The following KIF17 variants were observed in gnomAD, a reference collection of about 807,000 sequenced individuals.
The protein encoded by KIF17 is kinesin-like protein KIF17.
In KIF17, 80 loss-of-function variants were observed where a neutral mutation model predicts 96.8. That is an observed-to-expected ratio of 0.83 (90% CI 0.69 to 1.00). The LOEUF is 1.00. KIF17 is among the 50% of genes least tolerant of loss of function. The pLI is 0.00. For missense variants in KIF17, 1,280 were observed against 1,372.9 expected (o/e 0.93, Z 1.07); for synonymous variants, 567 against 587.5 (o/e 0.97, Z 0.51).
intron 11 of KIF17, among the ~76,000 whole-genome samples, chr1:20,682,432 G>C (rs1457595276): frequency 6.6e-6 from 1 of 152,246 alleles, no homozygotes; most frequent in Admixed American, 6.5e-5. Flanking sequence ...ACTGAGACAG[G>C]AAGATGGCTT....
intron 13 of KIF17, among the ~76,000 whole-genome samples, chr1:20,670,216 G>A (rs952225893): frequency 1.3e-5 from 2 of 152,096 alleles, no homozygotes; most frequent in African/African-American, 4.8e-5. Context: ...TTATGACTGT[G>A]AGTACCTTTG....
Position 20,704,593 on chromosome 1 carries a change from A to G in KIF17, c.977T>C (p.Leu326Pro), listed in dbSNP as rs2054307093. Reference protein sequence around the residue: ...DNNYDETLSTLRYANRAKNIR... With the variant: ...DNNYDETLSTPRYANRAKNIR... ...GTTCTTGGCCCGGTTGGCGTAGCGC[A>G]GCGTGCTGAGTGTCTCATCGTAGTT... Residue 326 changes from leucine (L) to proline (P), a missense_variant, in exon 5 of 15, where the codon CTG (leucine) becomes CCG (proline). Transcript: ENST00000400463. The surrounding 1 kb of genome is among the most constrained non-coding windows in gnomAD (Gnocchi z 6.8). 6.2e-7 allele frequency: 1 copy of G among 1,614,064 alleles called. No homozygotes were observed. The highest frequency in any genetic ancestry group is 1.1e-5 in the South Asian group (1 of 91,074).
Position 20,684,804 on chromosome 1 carries a change from C to T in KIF17, c.2231+5G>A. On this transcript the variant is annotated splice_donor_5th_base_variant and intron_variant, in intron 10 of 14. Coordinates refer to ENST00000400463, the MANE Select transcript of KIF17 (RefSeq NM_001122819.3). ...GTCCCGCCAGCCCCATGCTCTGCTG[C>T]TTACCGGGCCAGCACCTGCTGCTGG... 1 of 1,568,894 alleles carries T rather than the reference C, an allele frequency of 6.4e-7. No homozygotes were observed. The highest frequency in any genetic ancestry group is 8.6e-7 in the Non-Finnish European group (1 of 1,157,426).
In KIF17 at chr1:20,704,284, TGGGCCGTCTCCAACCA is replaced by T. The variant is rs148501971; in HGVS notation, c.1123+147_1123+162del. On this transcript the variant is annotated intron_variant, in intron 5 of 14. Coordinates refer to ENST00000400463, the MANE Select transcript of KIF17 (RefSeq NM_001122819.3). This position sits in a 1 kb window ranked among gnomAD's most constrained non-coding sequence, Gnocchi z 6.8. Reference sequence around the variant, plus strand: ...AGGACACTGACAAGCAGATACCATCTGGGCCGTCTCCAACCAGGGCCCTGCGCTCACATGGGGCTGA... The same window carrying T: ...AGGACACTGACAAGCAGATACCATCTGGGCCCTGCGCTCACATGGGGCTGA... Among the ~76,000 whole-genome samples, 4,995 of 152,192 alleles carry T rather than the reference TGGGCCGTCTCCAACCA, an allele frequency of 0.033. 126 individuals carry two copies. Among genetic ancestry groups the T allele is most frequent in the Middle Eastern group, 0.048 (14 of 294 alleles).
rs1477239566 is a variant in KIF17, at chr1:20,690,165, CTCGGGGGGCA to C, written c.1381+13_1381+22del. On this transcript the variant is annotated intron_variant, in intron 7 of 14. Coordinates refer to ENST00000400463, the MANE Select transcript of KIF17 (RefSeq NM_001122819.3). ...GGAGGCCACCTTCCCTGGAGACAGC[CTCGGGGGGCA>C]AGGGGTGCCCACCTGTCTCCTTCCG... The C allele has an allele frequency of 1.2e-6, 2 of 1,613,932 alleles. No individual in the cohort carries two copies. The highest frequency in any genetic ancestry group is 2.2e-5 in the South Asian group (2 of 91,068).
intron 6 of KIF17, among the ~76,000 whole-genome samples, chr1:20,695,795 G>A (rs1007958662): frequency 5.9e-5 from 9 of 151,878 alleles, no homozygotes; most frequent in African/African-American, 1.5e-4. Context: ...GATAATTCCC[G>A]ACAGTCTACA....
At chr1:20,693,772 C>A (rs2054083788) in intron 6 of KIF17, 1 of 152,190 alleles carries the variant, frequency 6.6e-6, no homozygotes, top group African/African-American at 2.4e-5. Context: ...TGGGAGACAG[C>A]CAAGGGCAGG....
In KIF17 at chr1:20,672,277, G is replaced by T; in HGVS notation, c.2464-81C>A. 1 of 1,560,034 alleles carries T rather than the reference G, an allele frequency of 6.4e-7. No homozygotes were observed. The highest frequency in any genetic ancestry group is 8.7e-7 in the Non-Finnish European group (1 of 1,148,794). The stretch of plus-strand genomic sequence containing the variant: ...AACCACCCTGTCCACTCACTGTCCT[G>T]CCAGCAGCCACGCATCGTCTGTTCA... On this transcript the variant is annotated intron_variant, in intron 11 of 14. Transcript: ENST00000400463. This position sits in a 1 kb window ranked among gnomAD's most constrained non-coding sequence, Gnocchi z 4.3.
At position 20,664,152 on chromosome 1, in the gene KIF17, A is replaced by C; in HGVS notation, c.*432T>G. The stretch of plus-strand genomic sequence containing the variant: ...CCATGGGGCAGGGCAGTGCTTAGGA[A>C]GTGGGGCCAGTCAGACAGAGGCACA... On this transcript the variant is annotated 3_prime_UTR_variant, in exon 15 of 15. Transcript: ENST00000400463. 1 of 310,374 alleles carries C rather than the reference A, an allele frequency of 3.2e-6. No individual in the cohort carries two copies. Among genetic ancestry groups the C allele is most frequent in the Non-Finnish European group, 6.1e-6 (1 of 163,704 alleles). The allele number at this position is 310,374 out of a possible 1,614,324, so 19.2% of individuals were successfully genotyped here. A position where few individuals can be genotyped will look rare whatever the true frequency, so the allele number is the denominator to read the frequency against.
At chr1:20,679,725 T>G (rs1570441210) in intron 11 of KIF17, among the ~76,000 whole-genome samples, 1 of 152,100 alleles carries the variant, frequency 6.6e-6, no homozygotes, top group East Asian at 1.9e-4. Flanking sequence ...GGGACTTCAG[T>G]CCCGCAACCA....
rs186108764 is a variant in KIF17, at chr1:20,709,573, C to T, written c.670+66G>A. 31 of 1,574,410 alleles carry T rather than the reference C, an allele frequency of 2.0e-5. No homozygotes were observed. Among genetic ancestry groups the T allele is most frequent in the Middle Eastern group, 3.3e-4 (2 of 5,996 alleles). On this transcript the variant is annotated intron_variant, in intron 4 of 14. Transcript: ENST00000400463. This position sits in a 1 kb window ranked among gnomAD's most constrained non-coding sequence, Gnocchi z 4.7. ...GGGCTCCTGCGGCCCCGAGAGGTGG[C>T]GTGCCTTGGCTAGTGGGAGTGGCTG...
At chr1:20,677,070 G>T (rs1557585487) in intron 11 of KIF17, among the ~76,000 whole-genome samples, 1 of 152,046 alleles carries the variant, frequency 6.6e-6, no homozygotes, top group Admixed American at 6.6e-5. Flanking sequence ...AATTAGCCAG[G>T]CATGGTGGTG....
rs750252862 is a variant in KIF17 at position 20,713,440 on chromosome 1, G to A, written c.480+14C>T. ...CCTACCAGCCCCACCTGCCCACAAT[G>A]GGTCTGCACCCACCTCCAGCTTCTG... is the stretch of plus-strand genomic sequence containing the variant. On this transcript the variant is annotated intron_variant, in intron 3 of 14. Transcript: ENST00000400463. 6.2e-7 allele frequency: 1 copy of A among 1,601,066 alleles called. No homozygotes were observed.
In KIF17 at chr1:20,687,539, A is replaced by T; in HGVS notation, c.1787T>A (p.Leu596His). Residue 596 changes from leucine (L) to histidine (H), a missense_variant, in exon 8 of 15, where the codon CTC becomes CAC. Leu to His is a moderately conservative substitution (Grantham distance 99). Coordinates refer to ENST00000400463, the MANE Select transcript of KIF17 (RefSeq NM_001122819.3). The surrounding 1 kb of genome is among the most constrained non-coding windows in gnomAD (Gnocchi z 4.4). ...AGHLLGEQNY[L>H]PQEEPQEVPL... ...CACCTCCTGCGGCTCCTCTTGCGGG[A>T]GGTAGTTCTGTTCCCCCAGCAGGTG... The T allele has an allele frequency of 6.2e-7, 1 of 1,613,452 alleles. No individual in the cohort carries two copies. Among genetic ancestry groups the T allele is most frequent in the Non-Finnish European group, 8.5e-7 (1 of 1,179,704 alleles).
At chr1:20,678,062 T>C (rs569456604) in intron 11 of KIF17, among the ~76,000 whole-genome samples, 2 of 152,334 alleles carry the variant, frequency 1.3e-5, no homozygotes, top group South Asian at 2.1e-4. Context: ...CTGGGTAATT[T>C]ATAAAGAAAA....
Position 20,717,335 on chromosome 1 carries a change from G to C in KIF17, c.231+141C>G, listed in dbSNP as rs1355165912. On this transcript the variant is annotated intron_variant, in intron 1 of 14. Coordinates refer to ENST00000400463, the MANE Select transcript of KIF17 (RefSeq NM_001122819.3). ...CTGGTTGTGTCCCGCCTGGACAAAA[G>C]CCTCCGGACCTACCTGTTCCCGTCC... 4.5e-6 allele frequency: 4 copies of C among 883,194 alleles called. No homozygotes were observed. In the South Asian group the frequency reaches 5.0e-5, roughly 11 times the overall value. The allele number at this position is 883,194 out of a possible 1,614,324, so 54.7% of individuals were successfully genotyped here.
chr1:20,687,154 C>A lies in KIF17; in HGVS notation c.1938+234G>T, dbSNP rs1279364063. ...CACCTGGCATAACCTTGCATCGCGA[C>A]CCCAACTTTCTTATTGAATTACAGA... On this transcript the variant is annotated intron_variant, in intron 8 of 14. Transcript: ENST00000400463. The surrounding 1 kb of genome is among the most constrained non-coding windows in gnomAD (Gnocchi z 4.4). 2.0e-5 allele frequency among the ~76,000 whole-genome samples: 3 copies of A among 152,324 alleles called. No individual in the cohort carries two copies. The highest frequency in any genetic ancestry group is 3.4e-3 in the Middle Eastern group (1 of 294).
At chr1:20,710,288 C>G (rs80039892) in intron 3 of KIF17, among the ~76,000 whole-genome samples, 17 of 152,092 alleles carry the variant, frequency 1.1e-4, no homozygotes, top group African/African-American at 3.4e-4. Flanking sequence ...CACCCATGAG[C>G]CCTGAGTGCT....
intron 4 of KIF17, among the ~76,000 whole-genome samples, chr1:20,707,028 CA>C (rs1393507533): frequency 4.6e-5 from 7 of 151,968 alleles, no homozygotes; most frequent in Admixed American, 2.0e-4. Context: ...CCCAGAAGTT[CA>C]AGGCTACAAT....
Sources: gnomAD v4.1 joint callset for allele counts (sites outside exome capture counted in the v4.1 genomes callset) on GRCh38, gnomAD v4.1.1 for gene constraint, Gnocchi (gnomAD v3.1) non-coding constraint, MANE v1.5 for transcripts, NCBI Gene and HGNC (gene_info 2026-07-23, HGNC 2026-07-21) for gene names.